The following VEPH1 variants were observed in gnomAD, a reference collection of about 807,000 sequenced individuals.
VEPH1 encodes the protein ventricular zone-expressed PH domain-containing protein homolog 1.
In VEPH1, 80 loss-of-function variants were observed where a neutral mutation model predicts 85.2. The observed-to-expected ratio is 0.94, with a 90% CI of 0.78 to 1.13. The LOEUF is 1.13. Among genes scored for constraint, VEPH1 ranks in the 50% most tolerant of loss-of-function variants. The pLI, the probability that VEPH1 is intolerant of heterozygous loss-of-function variation, is 0.00. For synonymous variants in VEPH1, 297 were observed against 348.0 expected (o/e 0.85, Z 1.63); for missense variants, 955 against 980.5 (o/e 0.97, Z 0.35).
intron 5 of VEPH1, among the ~76,000 whole-genome samples, chr3:157,425,135 C>T (rs996280668): frequency 1.3e-5 from 2 of 152,208 alleles, no homozygotes; most frequent in Non-Finnish European, 2.9e-5. Context: ...AAGTACAGCT[C>T]GGGCCATGAC....
At chr3:157,262,861 T>C (rs1713101626) in intron 13 of VEPH1, among the ~76,000 whole-genome samples, 1 of 152,240 alleles carries the variant, frequency 6.6e-6, no homozygotes, top group African/African-American at 2.4e-5. Flanking sequence ...TTTGTTAGCC[T>C]AATTTGGTTT....
rs147085174 is a variant in VEPH1, at chr3:157,475,672, C to G, written c.139-5143G>C. ...GCCACATGAGGGGTTCCCTCATGGCCAGCTGACAGAGGAGGAAAATGTCTC... is the reference window on the plus strand; with the variant it reads ...GCCACATGAGGGGTTCCCTCATGGCGAGCTGACAGAGGAGGAAAATGTCTC... On this transcript the variant is annotated intron_variant, in intron 2 of 13. Transcript: ENST00000362010. Among the ~76,000 whole-genome samples, 586 of 152,280 alleles carry G rather than the reference C, an allele frequency of 3.8e-3. 3 individuals are homozygous for G. The highest frequency in any genetic ancestry group is 5.6e-3 in the Non-Finnish European group (380 of 68,022).
At chr3:157,437,980 A>T in intron 4 of VEPH1, 1 of 1,495,714 alleles carries the variant, frequency 6.7e-7, no homozygotes, top group East Asian at 2.6e-5. Context: ...CGTAACGGCA[A>T]GCCAAGCCAG....
chr3:157,396,263 C>T (rs1357145861), intron 6 of VEPH1, among the ~76,000 whole-genome samples: 1 of 152,190 alleles, frequency 6.6e-6, no homozygotes, highest in African/African-American at 2.4e-5. Context: ...AGGAAAAGGA[C>T]ATGATCTCAT....
In VEPH1 at chr3:157,276,521, A is replaced by G. The variant is rs189679861; in HGVS notation, c.2128+10036T>C. Among the ~76,000 whole-genome samples the G allele has an allele frequency of 1.8e-3, 267 of 152,362 alleles. 2 individuals carry two copies. The highest frequency in any genetic ancestry group is 0.017 in the Middle Eastern group (5 of 294). On this transcript the variant is annotated intron_variant, in intron 12 of 13. Transcript: ENST00000362010. ...ATAATTAGTATCTTCGTGGTAGATG[A>G]CAGTAATAGGTTATATGATATACGA...
chr3:157,290,675 A>G (rs1717373323), intron 11 of VEPH1, among the ~76,000 whole-genome samples: 1 of 152,226 alleles, frequency 6.6e-6, no homozygotes, highest in East Asian at 1.9e-4. Context: ...ATGTAAAAAA[A>G]AGGATACATA....
chr3:157,274,600 C>T (rs1250896615), intron 12 of VEPH1, among the ~76,000 whole-genome samples: 2 of 152,120 alleles, frequency 1.3e-5, no homozygotes, highest in Admixed American at 6.5e-5. Flanking sequence ...TGGGCTCAAG[C>T]GATTCTCCTG....
chr3:157,415,045 T>C (rs1731800146), intron 5 of VEPH1: 1 of 152,208 alleles, frequency 6.6e-6, no homozygotes, highest in South Asian at 2.1e-4. Context: ...CCACCACCCC[T>C]TCTGGCCCTA....
In VEPH1 at chr3:157,401,732, A is replaced by ATT. The variant is rs374819888; in HGVS notation, c.906+12147_906+12148dup. 4.5e-3 allele frequency among the ~76,000 whole-genome samples: 644 copies of ATT among 144,280 alleles called. 2 individuals are homozygous for ATT. Among genetic ancestry groups the ATT allele is most frequent in the African/African-American group, 0.012 (478 of 39,604 alleles). The allele number at this position is 144,280 out of a possible 152,430, so 94.7% of individuals were successfully genotyped here. ...ATTTTAGTTCAAGGATTTTTCCTTA[A>ATT]TTTTTTTTTTTTTTGGTTTCGCAGC... On this transcript the variant is annotated intron_variant, in intron 6 of 13. Coordinates refer to ENST00000362010, the MANE Select transcript of VEPH1 (RefSeq NM_001167912.2).
chr3:157,377,651 C>A (rs918463566), intron 7 of VEPH1, among the ~76,000 whole-genome samples: 5 of 152,074 alleles, frequency 3.3e-5, no homozygotes, highest in African/African-American at 7.2e-5. Context: ...TTATAAGGGG[C>A]TGTTTCTGCT....
intron 9 of VEPH1, among the ~76,000 whole-genome samples, chr3:157,331,672 C>T (rs948934439): frequency 1.3e-5 from 2 of 152,202 alleles, no homozygotes; most frequent in East Asian, 3.8e-4. Flanking sequence ...ACACTTCTTG[C>T]AGCTCTTTCA....
intron 12 of VEPH1, among the ~76,000 whole-genome samples, chr3:157,280,949 T>C (rs966799027): frequency 1.3e-5 from 2 of 152,196 alleles, no homozygotes; most frequent in Admixed American, 6.5e-5. Flanking sequence ...GTTCTTCTTG[T>C]AGTTTACTGT....
chr3:157,465,396 T>A (rs1163442288), intron 3 of VEPH1, among the ~76,000 whole-genome samples: 4 of 152,210 alleles, frequency 2.6e-5, no homozygotes, highest in Non-Finnish European at 5.9e-5. Flanking sequence ...ATGATGATGA[T>A]ACCAACTTCC....
intron 11 of VEPH1, among the ~76,000 whole-genome samples, chr3:157,291,765 C>A (rs1195964316): frequency 6.6e-6 from 1 of 152,180 alleles, no homozygotes; most frequent in Admixed American, 6.5e-5. Flanking sequence ...CTTAGTATGG[C>A]ACTTTGCCCA....
intron 2 of VEPH1, among the ~76,000 whole-genome samples, chr3:157,475,986 T>C (rs1341394973): frequency 6.6e-6 from 1 of 152,216 alleles, no homozygotes; most frequent in Non-Finnish European, 1.5e-5. Context: ...TATAAACATC[T>C]TTTATGTTCA....
chr3:157,373,624 C>T (rs1040033221), intron 7 of VEPH1, among the ~76,000 whole-genome samples: 3 of 152,148 alleles, frequency 2.0e-5, no homozygotes, highest in African/African-American at 4.8e-5. Flanking sequence ...CCCTGGCCCT[C>T]CTCTCACGTG....
At chr3:157,267,458 T>G (rs1713877899) in intron 12 of VEPH1, among the ~76,000 whole-genome samples, 1 of 152,044 alleles carries the variant, frequency 6.6e-6, no homozygotes, top group Non-Finnish European at 1.5e-5. Flanking sequence ...GGATGACTAT[T>G]CAATTGGCTG....
chr3:157,348,314 T>C (rs1026860534), intron 9 of VEPH1, among the ~76,000 whole-genome samples: 2 of 152,242 alleles, frequency 1.3e-5, no homozygotes, highest in African/African-American at 2.4e-5. Context: ...TTTGTAGATA[T>C]TGAGGGACCT....
At chr3:157,317,334 A>C in intron 9 of VEPH1, 133 bp from the exon 10 acceptor site, 1 of 684,656 alleles carries the variant, frequency 1.5e-6, no homozygotes, top group Non-Finnish European at 2.1e-6. Context: ...ACTACAAACA[A>C]CTATATATTT....
Sources: gnomAD v4.1 joint callset for allele counts (sites outside exome capture counted in the v4.1 genomes callset) on GRCh38, gnomAD v4.1.1 for gene constraint, MANE v1.5 for transcripts, NCBI Gene and HGNC (gene_info 2026-07-23, HGNC 2026-07-21) for gene names.